UNC80: variants seen among roughly 807,000 people sequenced by gnomAD.
The protein encoded by UNC80 is protein unc-80 homolog.
In UNC80, 164 loss-of-function variants were observed where a neutral mutation model predicts 384.6. That is an observed-to-expected ratio of 0.43 (90% CI 0.38 to 0.49). The LOEUF (loss-of-function observed/expected upper bound fraction) is 0.49, where lower values mean the gene tolerates loss of function less well. UNC80 is among the 20% of genes least tolerant of loss of function. The probability of loss-of-function intolerance (pLI) is 0.00; values close to 1 mark genes in which losing one functional copy is unlikely to be tolerated. For synonymous variants in UNC80, 1,486 were observed against 1,527.8 expected, an observed-to-expected ratio of 0.97 and a Z score of 0.64; for missense variants, 3,330 against 4,143.0, an observed-to-expected ratio of 0.80 and a Z score of 5.39.
At chr2:209,815,472 G>A in intron 9 of UNC80, 81 bp downstream of exon 9, 1 of 1,433,258 alleles carries the variant, frequency 7.0e-7, no homozygotes, top group South Asian at 1.3e-5. Context: ...TGATGATACT[G>A]CAGTATGGGG....
At chr2:209,831,075 G>A (rs2080928485) in intron 15 of UNC80, among the ~76,000 whole-genome samples, 1 of 151,862 alleles carries the variant, frequency 6.6e-6, no homozygotes, top group African/African-American at 2.4e-5. Context: ...ATTCTCCATT[G>A]AGGGGTTATT....
At chr2:209,870,274 G>T (rs2084182432) in intron 22 of UNC80, among the ~76,000 whole-genome samples, 2 of 152,132 alleles carry the variant, frequency 1.3e-5, no homozygotes, top group Non-Finnish European at 2.9e-5. Context: ...GAATAAATTT[G>T]CATCACTTGC....
At chr2:209,965,484 T>A (rs1274669760) in intron 51 of UNC80, among the ~76,000 whole-genome samples, 3 of 151,802 alleles carry the variant, frequency 2.0e-5, no homozygotes, top group Admixed American at 6.6e-5. Context: ...TTTTTTTTTT[T>A]AGACAGAGTC....
At chr2:209,858,192 G>A (rs764950870) in intron 22 of UNC80, among the ~76,000 whole-genome samples, 1 of 152,086 alleles carries the variant, frequency 6.6e-6, no homozygotes, top group Non-Finnish European at 1.5e-5. Flanking sequence ...AAGCAAACAG[G>A]TTTAGAAATA....
In UNC80 at chr2:209,809,339, G is replaced by C. The variant is rs1271957753; in HGVS notation, c.939-4241G>C. 4.9e-6 allele frequency: 4 copies of C among 823,434 alleles called. No homozygotes were observed. In the Admixed American group the frequency reaches 7.0e-5, roughly 14 times the overall value. The allele number at this position is 823,434 out of a possible 1,614,324, so 51.0% of individuals were successfully genotyped here. On this transcript the variant is annotated intron_variant, in intron 7 of 64. Coordinates refer to ENST00000673920, the MANE Select transcript of UNC80 (RefSeq NM_001371986.1). ...ACGCTGCCCTTCGCCTGCGAAACCT[G>C]CGGGAAGGCCTTCTCCAGACCCTGG... is the stretch of plus-strand genomic sequence containing the variant.
intron 18 of UNC80, among the ~76,000 whole-genome samples, chr2:209,836,107 C>G (rs200072444): frequency 3.8e-5 from 4 of 105,312 alleles, no homozygotes; most frequent in Non-Finnish European, 6.2e-5. Context: ...ATGAATGATT[C>G]AATCAATCAA....
At chr2:209,808,392 C>A (rs11894334) in intron 7 of UNC80, among the ~76,000 whole-genome samples, 150,439 of 152,206 alleles carry the variant, frequency 0.99, 74,368 homozygotes, top group East Asian at 1. Flanking sequence ...GAGAAACCTC[C>A]TCTCTACTAA....
At position 209,977,181 on chromosome 2, in the gene UNC80, A is replaced by G. The variant is rs1184145408; in HGVS notation, c.8938+103A>G. 9 of 1,191,326 alleles carry G rather than the reference A, an allele frequency of 7.6e-6. No individual in the cohort carries two copies. In the South Asian group the frequency reaches 2.1e-4, roughly 28 times the overall value. 73.8% of individuals were successfully genotyped at this position (1,191,326 alleles called of 1,614,324 possible). Reference sequence around the variant, plus strand: ...CACCACACTTTTTGGAACTATGAATATGTTAGCCATTTTGGTACACTGTTA... The same window carrying G: ...CACCACACTTTTTGGAACTATGAATGTGTTAGCCATTTTGGTACACTGTTA... On this transcript the variant is annotated intron_variant, in intron 58 of 64. Coordinates refer to ENST00000673920, the MANE Select transcript of UNC80 (RefSeq NM_001371986.1).
At chr2:209,896,767 G>A (rs563437713) in intron 28 of UNC80, among the ~76,000 whole-genome samples, 6 of 152,204 alleles carry the variant, frequency 3.9e-5, no homozygotes, top group African/African-American at 4.8e-5. Context: ...TGAGAGCACG[G>A]TCATGGTGTT....
chr2:209,830,597 A>C (rs2080884424), intron 15 of UNC80, among the ~76,000 whole-genome samples: 1 of 152,164 alleles, frequency 6.6e-6, no homozygotes, highest in Non-Finnish European at 1.5e-5. Flanking sequence ...GATCACAGTG[A>C]ATCAGCCAGG....
At chr2:209,796,188 G>A (rs1203237870) in intron 7 of UNC80, 1 of 152,204 alleles carries the variant, frequency 6.6e-6, no homozygotes, top group Non-Finnish European at 1.5e-5. Flanking sequence ...TCATTTTGGA[G>A]CTTTAAAGTT....
chr2:209,854,997 G>T (rs987224498), intron 22 of UNC80, among the ~76,000 whole-genome samples: 1 of 152,116 alleles, frequency 6.6e-6, no homozygotes, highest in Non-Finnish European at 1.5e-5. Context: ...ACATGCACAC[G>T]TATGTTTATT....
intron 36 of UNC80, among the ~76,000 whole-genome samples, chr2:209,927,598 G>A (rs923074897): frequency 6.6e-6 from 1 of 152,176 alleles, no homozygotes; most frequent in African/African-American, 2.4e-5. Context: ...TTACATTTCA[G>A]CCAGAAAGTC....
intron 21 of UNC80, among the ~76,000 whole-genome samples, chr2:209,846,582 AG>A (rs2082187473): frequency 6.6e-6 from 1 of 152,084 alleles, no homozygotes; most frequent in South Asian, 2.1e-4. Context: ...AAAAACAAGT[AG>A]GATATTTTTA....
Position 209,789,471 on chromosome 2 carries a change from C to A in UNC80, c.725-61C>A. 4 of 1,126,828 alleles carry A rather than the reference C, an allele frequency of 3.5e-6. No homozygotes were observed. The Middle Eastern group carries it at 6.0e-4, about 170-fold the overall frequency. 69.8% of individuals were successfully genotyped at this position (1,126,828 alleles called of 1,614,324 possible). ...CTTTTCTATTTGAAAATGAAATGAA[C>A]TTATGAAATAAAAAGAACTTAAAAC... On this transcript the variant is annotated intron_variant, in intron 5 of 64. Coordinates refer to ENST00000673920, the MANE Select transcript of UNC80 (RefSeq NM_001371986.1).
At chr2:209,914,968 C>G (rs1349669622) in intron 31 of UNC80, among the ~76,000 whole-genome samples, 1 of 152,004 alleles carries the variant, frequency 6.6e-6, no homozygotes, top group African/African-American at 2.4e-5. Context: ...CAATAAATAT[C>G]TTGGTAAAAT....
rs755503885 is a variant in UNC80 at position 209,793,881 on chromosome 2, G to A, written c.938+22G>A. The A allele has an allele frequency of 2.5e-6, 4 of 1,611,558 alleles. No homozygotes were observed. In the African/African-American group the frequency reaches 4.0e-5, roughly 16 times the overall value. ...CCAGGTACCTGATTGCAATGTTAGG[G>A]ACAAAATGTGTCACTGGTCACCAAA... On this transcript the variant is annotated intron_variant, in intron 7 of 64. Coordinates refer to ENST00000673920, the MANE Select transcript of UNC80 (RefSeq NM_001371986.1).
chr2:209,809,916 T>C (rs999297643), intron 7 of UNC80, among the ~76,000 whole-genome samples: 14 of 152,102 alleles, frequency 9.2e-5, no homozygotes, highest in Non-Finnish European at 1.8e-4. Context: ...ACTGTTTGGA[T>C]ACAGCTGTTT....
At chr2:209,865,795 G>A (rs1047177502) in intron 22 of UNC80, among the ~76,000 whole-genome samples, 4 of 152,072 alleles carry the variant, frequency 2.6e-5, no homozygotes, top group Non-Finnish European at 5.9e-5. Context: ...GATTATTTCA[G>A]AAGTGTCTTT....
Sources: gnomAD v4.1 joint callset for allele counts (sites outside exome capture counted in the v4.1 genomes callset) on GRCh38, gnomAD v4.1.1 for gene constraint, MANE v1.5 for transcripts, NCBI Gene and HGNC (gene_info 2026-07-23, HGNC 2026-07-21) for gene names.